Variants in SAMD5 observed in about 807,000 individuals in gnomAD.
The protein encoded by SAMD5 is sterile alpha motif domain-containing protein 5.
Under a neutral mutation model 11.3 loss-of-function variants are expected in SAMD5, and 13 were observed. The ratio of observed to expected loss-of-function variants is 1.15; its 90% CI spans 0.75 to 1.83. SAMD5 has a LOEUF of 1.83. Ranked by LOEUF, SAMD5 falls within the 40% of genes most tolerant of loss-of-function variation. The pLI, the probability that SAMD5 is intolerant of heterozygous loss-of-function variation, is 0.00. For missense variants in SAMD5, 255 were observed against 239.1 expected (o/e 1.07, Z -0.44); for synonymous variants, 129 against 111.3 (o/e 1.16, Z -1.00).
chr6:147,657,338 T>G (rs2128453997), intron 1 of SAMD5, among the ~76,000 whole-genome samples: 1 of 152,322 alleles, frequency 6.6e-6, no homozygotes, highest in Admixed American at 6.5e-5. Context: ...TTGATAACTG[T>G]ACTGTGGCCA....
At chr6:147,701,439 G>A (rs763361348) in intron 1 of SAMD5, among the ~76,000 whole-genome samples, 22 of 152,018 alleles carry the variant, frequency 1.4e-4, no homozygotes, top group South Asian at 2.1e-4. Context: ...TTGGAGACCC[G>A]CCTGGCCAAC....
chr6:147,606,571 C>T (rs1358864008), intron 1 of SAMD5, among the ~76,000 whole-genome samples: 1 of 150,896 alleles, frequency 6.6e-6, no homozygotes, highest in Admixed American at 6.6e-5. Context: ...TGACAGCTAA[C>T]TTAAAAAAAA....
At chr6:147,819,622 G>A in the SAMD5 span, among the ~76,000 whole-genome samples, 1 of 152,198 alleles carries the variant, frequency 6.6e-6, no homozygotes, top group African/African-American at 2.4e-5. Flanking sequence ...TGTGTGTGGA[G>A]AAGCCTCTTA....
At chr6:147,645,095 G>A (rs771104701) in intron 1 of SAMD5, among the ~76,000 whole-genome samples, 9 of 152,248 alleles carry the variant, frequency 5.9e-5, no homozygotes, top group Admixed American at 2.0e-4. Flanking sequence ...CAGAATCCCC[G>A]GACTTTAACA....
chr6:147,651,575 C>T (rs530127035), intron 1 of SAMD5, among the ~76,000 whole-genome samples: 10 of 152,240 alleles, frequency 6.6e-5, no homozygotes, highest in South Asian at 2.1e-4. Context: ...CCCTTTCCAC[C>T]GTGTGAGGAC....
chr6:147,758,547 T>C, the SAMD5 span, among the ~76,000 whole-genome samples: 1 of 152,348 alleles, frequency 6.6e-6, no homozygotes, highest in South Asian at 2.1e-4. Flanking sequence ...CTGAGCTGGA[T>C]TGTTCATTTT....
At chr6:147,636,042 C>G (rs1790226423) in intron 1 of SAMD5, among the ~76,000 whole-genome samples, 2 of 152,146 alleles carry the variant, frequency 1.3e-5, no homozygotes, top group African/African-American at 4.8e-5. Context: ...GATTCTGTAC[C>G]ATGTGCCAGT....
chr6:147,885,021 A>G, the SAMD5 span, among the ~76,000 whole-genome samples: 1 of 152,214 alleles, frequency 6.6e-6, no homozygotes, highest in Non-Finnish European at 1.5e-5. Context: ...AAAACTTTGA[A>G]TAGCCTTTTA....
At chr6:147,830,251 CTTTTTTTTTTTTTTTT>C in the SAMD5 span, among the ~76,000 whole-genome samples, 1 of 84,934 alleles carries the variant, frequency 1.2e-5, no homozygotes, top group Non-Finnish European at 2.2e-5. Flanking sequence ...TTCTTTCTTT[CTTTTTTTTTTTTTTTT>C]TTTTTTTTTG....
At position 147,517,780 on chromosome 6, in the gene SAMD5, A is replaced by C. The variant is rs528305158; in HGVS notation, c.459+8393A>C. 6.6e-5 allele frequency among the ~76,000 whole-genome samples: 10 copies of C among 152,180 alleles called. No individual in the cohort carries two copies. The East Asian group carries it at 1.9e-3, about 29-fold the overall frequency. On this transcript the variant is annotated intron_variant, in intron 1 of 1. Transcript: ENST00000367474. ...AGATCTGGTTTGGGGTAAACACCTA[A>C]AGTAATCTGGAGTCAAATCAGGCAG... is the stretch of plus-strand genomic sequence containing the variant.
In SAMD5 at chr6:147,568,492, G is replaced by T; in HGVS notation, c.*4036G>T. On this transcript the variant is annotated 3_prime_UTR_variant, in exon 2 of 2. Coordinates refer to ENST00000367474, the MANE Select transcript of SAMD5 (RefSeq NM_001030060.3). ...ATTTCAAGGCAAATAAGGCATGAAG[G>T]GTGGAACATTGCATCTAGGGAAAAT... 2.0e-6 allele frequency: 2 copies of T among 985,372 alleles called. No homozygotes were observed. The highest frequency in any genetic ancestry group is 2.4e-6 in the Non-Finnish European group (2 of 829,858). The allele number at this position is 985,372 out of a possible 1,614,324, so 61.0% of individuals were successfully genotyped here.
chr6:147,884,112 A>C, the SAMD5 span, among the ~76,000 whole-genome samples: 2 of 151,878 alleles, frequency 1.3e-5, no homozygotes, highest in Non-Finnish European at 2.9e-5. Flanking sequence ...CCCCTTGGCC[A>C]TCTTGGGAAA....
At position 147,677,448 on chromosome 6, in the gene SAMD5, A is replaced by G. The variant is rs116271017; in HGVS notation, c.163-59869A>G. Among the ~76,000 whole-genome samples the G allele has an allele frequency of 1.8e-3, 281 of 152,286 alleles. 2 individuals are homozygous for G. The highest frequency in any genetic ancestry group is 6.4e-3 in the African/African-American group (265 of 41,564). ...GGAAAAGGAGTGGCTGCCATTGGGA[A>G]GGTTTAGAGGGTAAACTTTGAGCTT... On this transcript the variant is annotated intron_variant, in intron 1 of 1. Transcript: ENST00000566741.
At chr6:147,940,993 A>T in the SAMD5 span, among the ~76,000 whole-genome samples, 2 of 152,188 alleles carry the variant, frequency 1.3e-5, no homozygotes, top group Non-Finnish European at 2.9e-5. Context: ...TAATTCAATT[A>T]TGCCATAACA....
chr6:147,616,076 C>T (rs1209750195), intron 1 of SAMD5, among the ~76,000 whole-genome samples: 1 of 134,104 alleles, frequency 7.5e-6, no homozygotes, highest in Non-Finnish European at 1.8e-5. Flanking sequence ...TCTGCAACTA[C>T]TTGTGCAGTC....
intron 1 of SAMD5, among the ~76,000 whole-genome samples, chr6:147,588,056 A>G (rs1789400667): frequency 6.6e-6 from 1 of 152,118 alleles, no homozygotes. Context: ...GTGTGCTCCT[A>G]GGGTTTATAA....
chr6:147,687,703 G>T (rs966091984), intron 1 of SAMD5, among the ~76,000 whole-genome samples: 2 of 152,074 alleles, frequency 1.3e-5, no homozygotes, highest in South Asian at 2.1e-4. Context: ...ATTTATGAAG[G>T]ATGTTGTTAC....
the SAMD5 span, among the ~76,000 whole-genome samples, chr6:147,837,040 G>A: frequency 2.0e-5 from 3 of 152,190 alleles, no homozygotes; most frequent in South Asian, 2.1e-4. Context: ...CAATGTGCCG[G>A]TAGACATGAT....
At chr6:147,837,214 T>C in the SAMD5 span, among the ~76,000 whole-genome samples, 3 of 152,126 alleles carry the variant, frequency 2.0e-5, no homozygotes, top group Non-Finnish European at 4.4e-5. Context: ...TCCCCCTTCC[T>C]CCTTCCTAAG....
Sources: allele counts gnomAD v4.1 joint callset (sites outside exome capture counted in the v4.1 genomes callset), GRCh38; gene constraint gnomAD v4.1.1; transcripts MANE v1.5; gene names NCBI Gene and HGNC (gene_info 2026-07-23, HGNC 2026-07-21).